CFAP69: variants seen among roughly 807,000 people sequenced by gnomAD.
The protein encoded by CFAP69 is cilia- and flagella-associated protein 69.
Under a neutral mutation model 123.0 loss-of-function variants are expected in CFAP69, and 92 were observed. The observed-to-expected ratio is 0.75, with a 90% CI of 0.63 to 0.89. The LOEUF (loss-of-function observed/expected upper bound fraction) is 0.89, where lower values mean the gene tolerates loss of function less well. Among genes scored for constraint, CFAP69 ranks in the 40% least tolerant of loss-of-function variants. The pLI is 0.00. For missense variants in CFAP69, 1,067 were observed against 1,096.9 expected, an observed-to-expected ratio of 0.97 and a Z score of 0.39; for synonymous variants, 380 against 364.3, an observed-to-expected ratio of 1.04 and a Z score of -0.49.
intron 11 of CFAP69, among the ~76,000 whole-genome samples, chr7:90,279,344 G>GTTA (rs1562882069): frequency 6.6e-6 from 1 of 151,946 alleles, no homozygotes; most frequent in African/African-American, 2.4e-5. Context: ...AGTAAAATAC[G>GTTA]TTATACGTTT....
At chr7:90,298,300 T>A (rs544059688) in intron 16 of CFAP69, among the ~76,000 whole-genome samples, 4 of 152,320 alleles carry the variant, frequency 2.6e-5, no homozygotes, top group Admixed American at 2.6e-4. Context: ...TGGACCATTG[T>A]TTTGCAGAAT....
chr7:90,245,996 G>A (rs1205803505), intron 1 of CFAP69, among the ~76,000 whole-genome samples: 1 of 152,176 alleles, frequency 6.6e-6, no homozygotes, highest in African/African-American at 2.4e-5. Flanking sequence ...TAAATTTGCT[G>A]CGACTAAAGC....
intron 12 of CFAP69, among the ~76,000 whole-genome samples, chr7:90,280,598 G>T (rs1789329913): frequency 6.6e-6 from 1 of 152,142 alleles, no homozygotes; most frequent in African/African-American, 2.4e-5. Flanking sequence ...AATACAGTTA[G>T]GCTTAAAATA....
downstream of CFAP69, among the ~76,000 whole-genome samples, chr7:90,315,900 C>G (rs187538242): frequency 8.9e-4 from 135 of 152,296 alleles, no homozygotes; most frequent in African/African-American, 3.1e-3. Context: ...TGAGACCAGA[C>G]TGGTGAACCT....
At chr7:90,261,313 T>C (rs1211326323) in intron 3 of CFAP69, among the ~76,000 whole-genome samples, 1 of 152,190 alleles carries the variant, frequency 6.6e-6, no homozygotes, top group Admixed American at 6.5e-5. Flanking sequence ...GACCTCGTGA[T>C]CCACCTGCCT....
Position 90,279,874 on chromosome 7 carries a change from A to G in CFAP69, c.1353A>G (p.Leu451=). ...CQGNARVLAF[L]EWCESEDPFF... Reference sequence around the variant, plus strand: ...GAAATGCTCGAGTCCTTGCATTTCTAGAATGGTGTGAGAGTGAAGGTGAGT... The same window carrying G: ...GAAATGCTCGAGTCCTTGCATTTCTGGAATGGTGTGAGAGTGAAGGTGAGT... Residue 451 remains leucine (L), a synonymous_variant, in exon 12 of 23, where the codon CTA becomes CTG. Transcript: ENST00000389297. 1 of 1,605,470 alleles carries G rather than the reference A, an allele frequency of 6.2e-7. No individual in the cohort carries two copies.
Position 90,255,666 on chromosome 7 carries a change from G to T in CFAP69, c.180+184G>T, listed in dbSNP as rs75864149. On this transcript the variant is annotated intron_variant, in intron 2 of 22. Transcript: ENST00000389297. Reference sequence around the variant, plus strand: ...AGTATGAATATATTTAATGAAGTGGGGAGACTGGAGGAAGAGAATAGATTT... The same window carrying T: ...AGTATGAATATATTTAATGAAGTGGTGAGACTGGAGGAAGAGAATAGATTT... 2.6e-3 allele frequency among the ~76,000 whole-genome samples: 398 copies of T among 152,206 alleles called. 2 individuals are homozygous for T. Among genetic ancestry groups the T allele is most frequent in the African/African-American group, 8.6e-3 (359 of 41,540 alleles).
At chr7:90,271,755 A>G in intron 7 of CFAP69, 26 bp from the exon 8 acceptor site, 1 of 1,581,464 alleles carries the variant, frequency 6.3e-7, no homozygotes, top group Non-Finnish European at 8.6e-7. Flanking sequence ...TGTAAAGCAC[A>G]AATAATTTTT....
At chr7:90,272,140 T>C (rs1160389641) in intron 8 of CFAP69, 182 bp downstream of exon 8, 4 of 498,860 alleles carry the variant, frequency 8.0e-6, no homozygotes, top group African/African-American at 7.9e-5. Flanking sequence ...AGCCACACTT[T>C]TCTATGTGGA....
chr7:90,274,103 C>T lies in CFAP69; in HGVS notation c.977C>T (p.Pro326Leu). The change falls in exon 9 of 23, where the codon CCA becomes CTA. Residue 326 changes from proline to leucine, a missense_variant. Physicochemically the swap from Pro to Leu is moderately conservative, Grantham distance 98. Transcript: ENST00000389297. ...TTIIAQNPEA[P>L]MIECGFTKDL... is the part of the protein sequence containing the mutation. ...ATTATAGCTCAAAATCCTGAAGCAC[C>T]AATGATTGTAAGTATGAATCAAATT... 6.3e-7 allele frequency: 1 copy of T among 1,590,972 alleles called. No homozygotes were observed. The highest frequency in any genetic ancestry group is 8.5e-7 in the Non-Finnish European group (1 of 1,172,526).
intron 14 of CFAP69, among the ~76,000 whole-genome samples, chr7:90,287,910 A>G (rs1484720793): frequency 6.6e-6 from 1 of 152,146 alleles, no homozygotes; most frequent in Non-Finnish European, 1.5e-5. Flanking sequence ...GACTGCATTG[A>G]TTATAATATT....
intron 3 of CFAP69, among the ~76,000 whole-genome samples, chr7:90,258,445 G>T (rs916766242): frequency 6.6e-6 from 1 of 151,980 alleles, no homozygotes; most frequent in Non-Finnish European, 1.5e-5. Context: ...TACATTCCTT[G>T]CCTCATGCCC....
intron 11 of CFAP69, 151 bp downstream of exon 11, chr7:90,277,485 T>G: frequency 1.6e-6 from 1 of 608,746 alleles, no homozygotes; most frequent in Non-Finnish European, 2.5e-6. Context: ...AGCTTTTAAA[T>G]TTTTTCTTTG....
In CFAP69 at chr7:90,269,216, T is replaced by C. The variant is rs368117284; in HGVS notation, c.532+832T>C. ...TGTCCAGTTTGAACTGTTGATGAGA[T>C]AGATGGGGAAGGAGTGTCTTGGTAG... is the stretch of plus-strand genomic sequence containing the variant. On this transcript the variant is annotated intron_variant, in intron 6 of 22. Transcript: ENST00000389297. Among the ~76,000 whole-genome samples the C allele has an allele frequency of 2.6e-5, 4 of 152,034 alleles. 1 individual carries two copies.
chr7:90,256,928 AT>A (rs1486198810), intron 2 of CFAP69, among the ~76,000 whole-genome samples: 1 of 152,200 alleles, frequency 6.6e-6, no homozygotes, highest in Non-Finnish European at 1.5e-5. Context: ...TTCATTTTTA[AT>A]TGACTTAAGA....
rs1440641879 is a variant in CFAP69 at position 90,263,428 on chromosome 7, G to C, written c.356+1372G>C. Among the ~76,000 whole-genome samples, 10 of 152,192 alleles carry C rather than the reference G, an allele frequency of 6.6e-5. No homozygotes were observed. In the East Asian group the frequency reaches 1.9e-3, roughly 29 times the overall value. ...CTCCAAGTAGTATGGTTTTCTCATGGCATTAGAAGTATAATGCTAATTTTT... is the reference window on the plus strand; with the variant it reads ...CTCCAAGTAGTATGGTTTTCTCATGCCATTAGAAGTATAATGCTAATTTTT... On this transcript the variant is annotated intron_variant, in intron 4 of 22. Transcript: ENST00000389297.
intron 1 of CFAP69, among the ~76,000 whole-genome samples, chr7:90,248,292 GTAAT>G (rs1474753410): frequency 6.6e-6 from 1 of 152,150 alleles, no homozygotes; most frequent in African/African-American, 2.4e-5. Context: ...TTAGTTTTTA[GTAAT>G]TAAAGAAATA....
intron 1 of CFAP69, 39 bp downstream of exon 1, chr7:90,245,583 T>G (rs1584265382): frequency 7.2e-6 from 10 of 1,396,318 alleles, no homozygotes; most frequent in South Asian, 3.3e-5. Context: ...GTGGAGGGGG[T>G]GGGAGTGAAG....
At chr7:90,304,639 ATAGG>A in intron 18 of CFAP69, 101 bp from the exon 19 acceptor site, 1 of 1,409,742 alleles carries the variant, frequency 7.1e-7, no homozygotes, top group Non-Finnish European at 9.2e-7. Flanking sequence ...TTGTTTTTAG[ATAGG>A]TAGATAGATA....
Sources: gnomAD v4.1 joint callset for allele counts (sites outside exome capture counted in the v4.1 genomes callset) on GRCh38, gnomAD v4.1.1 for gene constraint, MANE v1.5 for transcripts, NCBI Gene and HGNC (gene_info 2026-07-23, HGNC 2026-07-21) for gene names.